The following COBL variants were observed in gnomAD, a reference collection of about 807,000 sequenced individuals.
COBL encodes cordon-bleu WH2 repeat protein, also known as protein cordon-bleu.
COBL carries 51 observed loss-of-function variants against 98.8 expected under a neutral mutation model. The ratio of observed to expected loss-of-function variants is 0.52; its 90% confidence interval spans 0.41 to 0.65. COBL has a LOEUF of 0.65. Among genes scored for constraint, COBL ranks in the 30% least tolerant of loss-of-function variants. The pLI is 0.00. For synonymous variants in COBL, 634 were observed against 651.7 expected, an observed-to-expected ratio of 0.97 and a Z score of 0.41; for missense variants, 1,617 against 1,617.5, an observed-to-expected ratio of 1.00 and a Z score of 0.01.
intron 5 of COBL, among the ~76,000 whole-genome samples, chr7:51,182,041 G>GTT (rs1228577892): frequency 3.9e-5 from 6 of 152,066 alleles, no homozygotes; most frequent in Admixed American, 3.9e-4. Context: ...TTTTTACTTG[G>GTT]TTTTTCTGGC....
intron 6 of COBL, among the ~76,000 whole-genome samples, chr7:51,090,425 G>A (rs1794701796): frequency 6.6e-6 from 1 of 152,218 alleles, no homozygotes; most frequent in Non-Finnish European, 1.5e-5. Context: ...AGTGTCTGCA[G>A]GAGAAAAGCC....
intron 1 of COBL, among the ~76,000 whole-genome samples, chr7:51,287,565 T>C (rs1800486595): frequency 6.6e-6 from 1 of 152,150 alleles, no homozygotes; most frequent in Non-Finnish European, 1.5e-5. Flanking sequence ...TGGGAAACCA[T>C]TTGGCAATTT....
chr7:51,121,915 GCAAAA>G (rs1375326099), intron 6 of COBL, among the ~76,000 whole-genome samples: 1 of 152,142 alleles, frequency 6.6e-6, no homozygotes, highest in Non-Finnish European at 1.5e-5. Flanking sequence ...TGACTGACAG[GCAAAA>G]CCAAAGTGAC....
intron 1 of COBL, among the ~76,000 whole-genome samples, chr7:51,269,323 A>G (rs1427528957): frequency 6.6e-6 from 1 of 152,108 alleles, no homozygotes; most frequent in African/African-American, 2.4e-5. Flanking sequence ...CACACAGGGG[A>G]CAGAAAACAG....
chr7:51,211,714 A>T (rs1266332881), intron 2 of COBL, among the ~76,000 whole-genome samples: 1 of 152,186 alleles, frequency 6.6e-6, no homozygotes, highest in East Asian at 1.9e-4. Context: ...ACAAAGAATA[A>T]AACTAAGACA....
chr7:51,270,822 TA>T (rs917526305), intron 1 of COBL, among the ~76,000 whole-genome samples: 36 of 148,750 alleles, frequency 2.4e-4, no homozygotes, highest in African/African-American at 7.3e-4. Flanking sequence ...TTATTCGACT[TA>T]AAAAAAAATC....
intron 1 of COBL, among the ~76,000 whole-genome samples, chr7:51,226,548 A>AGTGAGTG (rs201062705): frequency 9.8e-5 from 6 of 61,166 alleles, no homozygotes; most frequent in African/African-American, 2.1e-4. Context: ...GTGAGTGAGT[A>AGTGAGTG]AGTGAGTGAC....
At chr7:51,284,432 T>C (rs1800123399) in intron 1 of COBL, among the ~76,000 whole-genome samples, 2 of 152,000 alleles carry the variant, frequency 1.3e-5, no homozygotes, top group Non-Finnish European at 1.5e-5. Flanking sequence ...AAAAATCACA[T>C]GCGTGTATCA....
chr7:51,204,659 T>C lies in COBL; in HGVS notation c.246-11070A>G, dbSNP rs571537909. On this transcript the variant is annotated intron_variant, in intron 2 of 12. Transcript: ENST00000265136. ...TCCGCCTCCCGGGTTCAAGCAATTCTGCTGCCTCAGCCTCCCAAGTAGCTA... is the reference window on the plus strand; with the variant it reads ...TCCGCCTCCCGGGTTCAAGCAATTCCGCTGCCTCAGCCTCCCAAGTAGCTA... 2.4e-3 allele frequency among the ~76,000 whole-genome samples: 362 copies of C among 151,848 alleles called. 4 individuals carry two copies. The highest frequency in any genetic ancestry group is 3.8e-3 in the South Asian group (18 of 4,774).
chr7:51,094,921 A>G (rs1795139511), intron 6 of COBL, among the ~76,000 whole-genome samples: 1 of 152,236 alleles, frequency 6.6e-6, no homozygotes, highest in Non-Finnish European at 1.5e-5. Context: ...TACTGAAGTT[A>G]AATTGTTATC....
intron 6 of COBL, among the ~76,000 whole-genome samples, chr7:51,131,813 C>CA (rs1221464340): frequency 6.6e-6 from 1 of 152,126 alleles, no homozygotes; most frequent in Non-Finnish European, 1.5e-5. Context: ...GGGCTTAACT[C>CA]AAACTCCTGA....
intron 1 of COBL, among the ~76,000 whole-genome samples, chr7:51,313,121 AG>A (rs1803212118): frequency 6.6e-6 from 1 of 152,242 alleles, no homozygotes; most frequent in Non-Finnish European, 1.5e-5. Flanking sequence ...TAACGGGAAA[AG>A]TTTTATGTAA....
intron 1 of COBL, among the ~76,000 whole-genome samples, chr7:51,272,043 TAAAC>T (rs903462877): frequency 1.6e-4 from 25 of 152,192 alleles, no homozygotes; most frequent in South Asian, 2.1e-4. Context: ...AATAAATAAA[TAAAC>T]AAACAAACTG....
At chr7:51,129,986 A>AT (rs1177712027) in intron 6 of COBL, among the ~76,000 whole-genome samples, 11 of 152,192 alleles carry the variant, frequency 7.2e-5, no homozygotes, top group Non-Finnish European at 4.4e-5. Context: ...TCAGAGGGGC[A>AT]TGGGAGTGCT....
chr7:51,176,218 G>C (rs1002316321), intron 5 of COBL, among the ~76,000 whole-genome samples: 3 of 152,134 alleles, frequency 2.0e-5, no homozygotes, highest in Admixed American at 6.5e-5. Context: ...AGTCGTGTTA[G>C]TTTTGGTGAG....
intron 1 of COBL, among the ~76,000 whole-genome samples, chr7:51,236,920 C>T (rs573291579): frequency 2.6e-5 from 4 of 152,320 alleles, no homozygotes; most frequent in African/African-American, 9.6e-5. Flanking sequence ...TCAACGGTCT[C>T]GCCTCTTCAC....
At chr7:51,105,805 G>C (rs992920828) in intron 6 of COBL, among the ~76,000 whole-genome samples, 2 of 151,880 alleles carry the variant, frequency 1.3e-5, no homozygotes, top group African/African-American at 4.8e-5. Context: ...AGAGAGGCCT[G>C]GGAAAACAAG....
chr7:51,293,739 G>GA (rs1413813667), intron 1 of COBL, among the ~76,000 whole-genome samples: 1 of 152,112 alleles, frequency 6.6e-6, no homozygotes, highest in African/African-American at 2.4e-5. Flanking sequence ...TCACAAAGAG[G>GA]AAAAAGAAGA....
intron 7 of COBL, among the ~76,000 whole-genome samples, chr7:51,081,264 G>C (rs1283417725): frequency 6.6e-6 from 1 of 152,210 alleles, no homozygotes; most frequent in Non-Finnish European, 1.5e-5. Flanking sequence ...GCATGAGAGG[G>C]GAAGAGAGGG....
Sources: allele counts gnomAD v4.1 joint callset (sites outside exome capture counted in the v4.1 genomes callset), GRCh38; gene constraint gnomAD v4.1.1; transcripts MANE v1.5; gene names NCBI Gene and HGNC (gene_info 2026-07-23, HGNC 2026-07-21).